KIAA1549: variants seen among roughly 807,000 people sequenced by gnomAD.
The protein encoded by KIAA1549 is KIAA1549, also known as UPF0606 protein KIAA1549.
In KIAA1549, 70 loss-of-function variants were observed where a neutral mutation model predicts 156.4. The observed-to-expected ratio is 0.45, with a 90% CI of 0.37 to 0.55. KIAA1549 has a LOEUF of 0.55. Among genes scored for constraint, KIAA1549 ranks in the 20% least tolerant of loss-of-function variants. The pLI is 0.00. For missense variants in KIAA1549, 2,428 were observed against 2,540.9 expected (o/e 0.96, Z 0.96); for synonymous variants, 1,103 against 1,066.4 (o/e 1.03, Z -0.67).
At chr7:138,851,157 GTTA>G (rs1431738965) in intron 17 of KIAA1549, among the ~76,000 whole-genome samples, 4 of 151,998 alleles carry the variant, frequency 2.6e-5, no homozygotes, top group Non-Finnish European at 5.9e-5. Context: ...GAAATACCTA[GTTA>G]TTAACATTTA....
Position 138,933,796 on chromosome 7 carries a change from T to C in KIAA1549, c.188-14358A>G, listed in dbSNP as rs775865957. 5.5e-4 allele frequency among the ~76,000 whole-genome samples: 84 copies of C among 151,980 alleles called. 1 individual carries two copies. The highest frequency in any genetic ancestry group is 8.4e-4 in the Non-Finnish European group (57 of 68,004). On this transcript the variant is annotated intron_variant, in intron 1 of 19. Coordinates refer to ENST00000422774, the MANE Select transcript of KIAA1549 (RefSeq NM_001164665.2). ...ACCTCGCCAACATGGCGAAAAACCA[T>C]CTTCAATGAAAATACAAAAATTAGC...
chr7:138,906,528 C>T (rs947421959), intron 6 of KIAA1549, among the ~76,000 whole-genome samples: 12 of 152,300 alleles, frequency 7.9e-5, no homozygotes, highest in Non-Finnish European at 1.5e-4. Flanking sequence ...AAGTCTTTTA[C>T]TATTATTCTA....
chr7:138,977,229 T>C (rs557080856), intron 1 of KIAA1549, among the ~76,000 whole-genome samples: 2 of 152,202 alleles, frequency 1.3e-5, no homozygotes, highest in South Asian at 2.1e-4. Flanking sequence ...GAAGGAAAAA[T>C]GGTTGCTATC....
intron 10 of KIAA1549, among the ~76,000 whole-genome samples, chr7:138,889,038 G>C (rs74714877): frequency 0.012 from 1,828 of 152,258 alleles, 25 homozygotes; most frequent in East Asian, 0.07. Flanking sequence ...ATACTAAACA[G>C]TCATTTAATC....
chr7:138,871,214 G>A lies in KIAA1549; in HGVS notation c.4494C>T (p.Pro1498=), dbSNP rs764543415. The A allele has an allele frequency of 2.1e-5, 34 of 1,613,180 alleles. No homozygotes were observed. Among genetic ancestry groups the A allele is most frequent in the Admixed American group, 8.3e-5 (5 of 59,992 alleles). ...LIAMQPIPAP[P]VQRPSPADRV... is the part of the protein sequence containing the mutation. ...GGTCGGCTGGGGAGGGGCGCTGGAC[G>A]GGAGGTGCCGGGATCGGCTGCATGG... The change falls in exon 13 of 20, where the codon CCC becomes CCT. Residue 1498 remains proline (P), a synonymous_variant. Coordinates refer to ENST00000422774, the MANE Select transcript of KIAA1549 (RefSeq NM_001164665.2).
intron 12 of KIAA1549, among the ~76,000 whole-genome samples, chr7:138,875,760 A>G (rs1400170844): frequency 6.6e-6 from 1 of 152,208 alleles, no homozygotes; most frequent in Non-Finnish European, 1.5e-5. Flanking sequence ...TTTTAAAGAA[A>G]TATTATTTCA....
intron 1 of KIAA1549, among the ~76,000 whole-genome samples, chr7:138,939,815 T>C (rs1813122559): frequency 1.3e-5 from 2 of 152,120 alleles, no homozygotes; most frequent in South Asian, 4.1e-4. Flanking sequence ...CATCCATTAT[T>C]TCACTAAGGA....
chr7:138,900,582 C>A, intron 8 of KIAA1549, among the ~76,000 whole-genome samples: 1 of 152,200 alleles, frequency 6.6e-6, no homozygotes, highest in East Asian at 1.9e-4. Flanking sequence ...TGGACCCCCT[C>A]CAACTCTCTG....
chr7:138,919,586 T>C, intron 1 of KIAA1549, 148 bp from the exon 2 acceptor site: 1 of 1,328,598 alleles, frequency 7.5e-7, no homozygotes, highest in African/African-American at 1.5e-5. Flanking sequence ...AACAGCTAGC[T>C]GGAAACGAGA....
Position 138,917,740 on chromosome 7 carries a change from G to T in KIAA1549, c.1886C>A (p.Thr629Lys), listed in dbSNP as rs779141836. Residue 629 changes from threonine (T) to lysine (K), a missense_variant, in exon 2 of 20, where the codon ACA becomes AAA. Physicochemically the swap from Thr to Lys is moderately conservative, Grantham distance 78. Coordinates refer to ENST00000422774, the MANE Select transcript of KIAA1549 (RefSeq NM_001164665.2). Reference sequence around the variant, plus strand: ...GGAGCCGCTGAGTTCCAGCGGGGGTGTTGAGAAAAAGCTGGATGCAAAATC... The same window carrying T: ...GGAGCCGCTGAGTTCCAGCGGGGGTTTTGAGAAAAAGCTGGATGCAAAATC... ...ALDFASSFFS[T>K]PPLELSGSIS... 6.3e-7 allele frequency: 1 copy of T among 1,587,378 alleles called. No individual in the cohort carries two copies. Among genetic ancestry groups the T allele is most frequent in the Admixed American group, 1.8e-5 (1 of 55,008 alleles).
intron 10 of KIAA1549, among the ~76,000 whole-genome samples, chr7:138,890,270 G>C (rs1286964977): frequency 6.6e-6 from 1 of 152,202 alleles, no homozygotes; most frequent in South Asian, 2.1e-4. Flanking sequence ...GGCACAAAAC[G>C]CAGTGAAGCC....
At chr7:138,973,535 C>T (rs145831775) in intron 1 of KIAA1549, among the ~76,000 whole-genome samples, 401 of 152,338 alleles carry the variant, frequency 2.6e-3, no homozygotes, top group African/African-American at 7.6e-3. Flanking sequence ...CTCTCCTTCA[C>T]GCTAGTTTCA....
chr7:138,906,702 T>C (rs771633228), intron 6 of KIAA1549, among the ~76,000 whole-genome samples: 5 of 151,882 alleles, frequency 3.3e-5, no homozygotes, highest in Non-Finnish European at 4.4e-5. Flanking sequence ...TGTGGAGCAG[T>C]GTATACTGCT....
chr7:138,893,580 T>C (rs1811601670), intron 10 of KIAA1549, among the ~76,000 whole-genome samples: 1 of 152,256 alleles, frequency 6.6e-6, no homozygotes, highest in African/African-American at 2.4e-5. Flanking sequence ...CAAATAAATG[T>C]CCATTCATAT....
Position 138,864,718 on chromosome 7 carries a change from G to T in KIAA1549, c.4929+3257C>A, listed in dbSNP as rs370873150. Among the ~76,000 whole-genome samples, 16 of 152,286 alleles carry T rather than the reference G, an allele frequency of 1.1e-4. No individual in the cohort carries two copies. In the South Asian group the frequency reaches 2.7e-3, roughly 26 times the overall value. The stretch of plus-strand genomic sequence containing the variant: ...TCCAGGACAACCTCAGTTTATGCCT[G>T]TTGTCCCACGGTCATTATTAATAGA... On this transcript the variant is annotated intron_variant, in intron 15 of 19. Transcript: ENST00000422774.
At chr7:138,883,866 G>A (rs1245236634) in intron 10 of KIAA1549, among the ~76,000 whole-genome samples, 3 of 152,168 alleles carry the variant, frequency 2.0e-5, no homozygotes, top group Non-Finnish European at 4.4e-5. Flanking sequence ...CTTCATCCCA[G>A]TTTCCTGGTG....
chr7:138,911,273 G>A lies in KIAA1549; in HGVS notation c.3018C>T (p.Phe1006=), dbSNP rs369870112. The change falls in exon 4 of 20, where the codon TTC becomes TTT. Residue 1006 remains phenylalanine (F), a synonymous_variant. Transcript: ENST00000422774. ...TTATGACGGATATTGCCGTGTAAAC[G>A]AAAGGACCGGATGTTACCAGAAAAG... ...DFTFLVTSGP[F]VYTAISVINV... is the part of the protein sequence containing the mutation. 6.0e-5 allele frequency: 96 copies of A among 1,603,236 alleles called. No homozygotes were observed. The African/African-American group carries it at 1.0e-3, about 17-fold the overall frequency.
chr7:138,882,515 C>T (rs1811273340), intron 10 of KIAA1549, among the ~76,000 whole-genome samples: 1 of 152,156 alleles, frequency 6.6e-6, no homozygotes, highest in Non-Finnish European at 1.5e-5. Context: ...CCTGGGGGAA[C>T]TTGCAGGCTC....
At position 138,911,134 on chromosome 7, in the gene KIAA1549, G is replaced by A. The variant is rs1408119691; in HGVS notation, c.3145+12C>T. Reference sequence around the variant, plus strand: ...TTTTACAAATAAAAACAACTATGCTGAGCTGTCTCACCTGTTTGAACTTGG... The same window carrying A: ...TTTTACAAATAAAAACAACTATGCTAAGCTGTCTCACCTGTTTGAACTTGG... On this transcript the variant is annotated intron_variant, in intron 4 of 19. Transcript: ENST00000422774. 1.3e-6 allele frequency: 2 copies of A among 1,522,788 alleles called. No individual in the cohort carries two copies. Among genetic ancestry groups the A allele is most frequent in the Non-Finnish European group, 1.8e-6 (2 of 1,133,750 alleles). 94.3% of individuals were successfully genotyped at this position (1,522,788 alleles called of 1,614,324 possible). A position where few individuals can be genotyped will look rare whatever the true frequency, so the allele number is the denominator to read the frequency against.
Sources: allele counts gnomAD v4.1 joint callset (sites outside exome capture counted in the v4.1 genomes callset), GRCh38; gene constraint gnomAD v4.1.1; transcripts MANE v1.5; gene names NCBI Gene and HGNC (gene_info 2026-07-23, HGNC 2026-07-21).